The following MYBL1 variants were observed in gnomAD, a reference collection of about 807,000 sequenced individuals.
MYBL1 encodes the protein MYB proto-oncogene like 1, also known as myb-related protein A.
Under a neutral mutation model 96.3 loss-of-function variants are expected in MYBL1, and 17 were observed. The observed-to-expected ratio is 0.18, with a 90% confidence interval of 0.12 to 0.26. The LOEUF is 0.26. MYBL1 is among the 10% of genes least tolerant of loss of function. MYBL1 has a pLI of 1.00. For synonymous variants in MYBL1, 282 were observed against 292.7 expected (o/e 0.96, Z 0.37); for missense variants, 701 against 882.9 (o/e 0.79, Z 2.61).
chr8:66,585,271 A>G (rs1228523647), intron 8 of MYBL1, among the ~76,000 whole-genome samples: 1 of 152,208 alleles, frequency 6.6e-6, no homozygotes, highest in Non-Finnish European at 1.5e-5. Context: ...ATGGAAGAAG[A>G]GAGAGTCTCT....
chr8:66,573,510 G>C lies in MYBL1; in HGVS notation c.1471-4C>G, dbSNP rs997480776. On this transcript the variant is annotated splice_region_variant and splice_polypyrimidine_tract_variant and intron_variant, in intron 10 of 15. Transcript: ENST00000522677. ...TACCAGGACATGTGTTGAAAAACTA[G>C]AAAGGGAAGAGAGTTTAAAGACGAC... The C allele has an allele frequency of 6.9e-6, 11 of 1,594,066 alleles. No homozygotes were observed. The highest frequency in any genetic ancestry group is 7.7e-6 in the Non-Finnish European group (9 of 1,172,202).
intron 8 of MYBL1, among the ~76,000 whole-genome samples, chr8:66,585,487 T>G (rs1336116081): frequency 6.6e-6 from 1 of 152,144 alleles, no homozygotes; most frequent in Non-Finnish European, 1.5e-5. Context: ...ATGCCTGTAA[T>G]CCCAGCACTT....
Position 66,576,364 on chromosome 8 carries a change from T to C in MYBL1, c.1113A>G (p.Ala371=), listed in dbSNP as rs752290541. The C allele has an allele frequency of 1.2e-6, 2 of 1,603,570 alleles. No homozygotes were observed. The highest frequency in any genetic ancestry group is 1.7e-6 in the Non-Finnish European group (2 of 1,176,386). Residue 371 remains alanine (A), a synonymous_variant, in exon 10 of 16, where the codon GCA becomes GCG. Transcript: ENST00000522677. ...TLELIESDPV[A]WSDVTSFDIS... is the part of the protein sequence containing the mutation. Reference sequence around the variant, plus strand: ...TATCAAAACTGGTAACGTCACTCCATGCTACAGGATCCTGCAATAAATTAA... The same window carrying C: ...TATCAAAACTGGTAACGTCACTCCACGCTACAGGATCCTGCAATAAATTAA...
chr8:66,592,985 T>C (rs1809707426), intron 7 of MYBL1, 135 bp downstream of exon 7: 2 of 556,894 alleles, frequency 3.6e-6, no homozygotes, highest in South Asian at 3.0e-5. Context: ...TTCTTCTTTA[T>C]AGTTAGAGTA....
intron 10 of MYBL1, 79 bp from the exon 11 acceptor site, chr8:66,573,585 A>T: frequency 8.1e-7 from 1 of 1,227,898 alleles, no homozygotes; most frequent in Non-Finnish European, 1.1e-6. Flanking sequence ...TAAGATTTTC[A>T]AATTATTTCT....
At chr8:66,605,080 T>C (rs1265787490) in intron 1 of MYBL1, among the ~76,000 whole-genome samples, 1 of 152,246 alleles carries the variant, frequency 6.6e-6, no homozygotes, top group Non-Finnish European at 1.5e-5. Flanking sequence ...TGTACTTCAA[T>C]AGTCAATATT....
chr8:66,598,249 G>C (rs559487015), intron 4 of MYBL1, among the ~76,000 whole-genome samples: 9 of 152,122 alleles, frequency 5.9e-5, no homozygotes, highest in African/African-American at 1.2e-4. Context: ...GTAAATCAGT[G>C]CAGTCTAGGT....
In MYBL1 at chr8:66,613,019, ACCCGAC is replaced by A; in HGVS notation, c.-187_-182del. Reference sequence around the variant, plus strand: ...GGAGGGACAGCGGGGGCGGACCGCGACCCGACCCCGACCCCGGCCCGCAGCGCCGCT... The same window carrying A: ...GGAGGGACAGCGGGGGCGGACCGCGACCCGACCCCGGCCCGCAGCGCCGCT... On this transcript the variant is annotated 5_prime_UTR_variant, in exon 1 of 16. Coordinates refer to ENST00000522677, the MANE Select transcript of MYBL1 (RefSeq NM_001080416.4). The A allele has an allele frequency of 1.6e-6, 1 of 615,272 alleles. No individual in the cohort carries two copies. Among genetic ancestry groups the A allele is most frequent in the Non-Finnish European group, 2.4e-6 (1 of 419,160 alleles). The allele number at this position is 615,272 out of a possible 1,614,324, so 38.1% of individuals were successfully genotyped here.
At position 66,576,150 on chromosome 8, in the gene MYBL1, G is replaced by T; in HGVS notation, c.1327C>A (p.Pro443Thr). 1 of 1,613,956 alleles carries T rather than the reference G, an allele frequency of 6.2e-7. No homozygotes were observed. Among genetic ancestry groups the T allele is most frequent in the Non-Finnish European group, 8.5e-7 (1 of 1,179,892 alleles). ...TSPNIAKFST[P>T]PAILRKKRKM... is the part of the protein sequence containing the mutation. ...CTCTTCTTTCTGAGGATGGCTGGTG[G>T]AGTGCTAAACTTGGCTATATTTGGG... The change falls in exon 10 of 16, where the codon CCA becomes ACA. Residue 443 changes from proline to threonine, a missense_variant. By Grantham distance (38) the Pro-to-Thr change is conservative (BLOSUM62 -1). Coordinates refer to ENST00000522677, the MANE Select transcript of MYBL1 (RefSeq NM_001080416.4).
Position 66,592,437 on chromosome 8 carries a change from T to C in MYBL1, c.867+3A>G. On this transcript the variant is annotated splice_donor_region_variant and intron_variant, in intron 8 of 15. Transcript: ENST00000522677. Reference sequence around the variant, plus strand: ...CAATACAAATAACAAGCTTATTTCTTACTGATGGAATTCGCTTTCTTCTAA... The same window carrying C: ...CAATACAAATAACAAGCTTATTTCTCACTGATGGAATTCGCTTTCTTCTAA... 1 of 1,556,906 alleles carries C rather than the reference T, an allele frequency of 6.4e-7. No individual in the cohort carries two copies.
intron 1 of MYBL1, chr8:66,612,197 C>T (rs1467842717): frequency 5.9e-5 from 9 of 152,164 alleles, no homozygotes; most frequent in Admixed American, 5.9e-4. Flanking sequence ...CTAGTTGTTA[C>T]TACTAGTTGT....
At position 66,564,561 on chromosome 8, in the gene MYBL1, G is replaced by A; in HGVS notation, c.*136C>T. ...TTACTAGCTTTCTGCCTACTATATA[G>A]AATAGAAAAAAGATGCTGTATTAAA... On this transcript the variant is annotated 3_prime_UTR_variant, in exon 16 of 16. Transcript: ENST00000522677. The A allele has an allele frequency of 1.7e-6, 1 of 576,600 alleles. No homozygotes were observed. The highest frequency in any genetic ancestry group is 2.7e-6 in the Non-Finnish European group (1 of 373,290). 35.7% of individuals were successfully genotyped at this position (576,600 alleles called of 1,614,324 possible).
At chr8:66,586,189 GTGCTCAC>G (rs1809414962) in intron 8 of MYBL1, among the ~76,000 whole-genome samples, 1 of 151,726 alleles carries the variant, frequency 6.6e-6, no homozygotes, top group Non-Finnish European at 1.5e-5. Flanking sequence ...GGGACTACAG[GTGCTCAC>G]CACCACGCCT....
At chr8:66,585,584 T>G (rs1331795221) in intron 8 of MYBL1, among the ~76,000 whole-genome samples, 1 of 151,942 alleles carries the variant, frequency 6.6e-6, no homozygotes, top group Non-Finnish European at 1.5e-5. Flanking sequence ...CTCCTAAAAA[T>G]ACCAAAAAAT....
In MYBL1 at chr8:66,595,633, C is replaced by T. The variant is rs1396958072; in HGVS notation, c.637G>A (p.Ala213Thr). ...SSSKLQHKPC[A>T]AMDHMQTQNQ... ...TGGGTTTGCATATGATCCATAGCTG[C>T]ACAAGGTTTGTGTTGAAGTTTAGAT... Residue 213 changes from alanine to threonine, a missense_variant, in exon 6 of 16, where the codon GCA (alanine) becomes ACA (threonine). By Grantham distance (58) the Ala-to-Thr change is moderately conservative (BLOSUM62 0). Around this residue, in one of 5 missense-constraint regions of MYBL1, gnomAD observed 396 missense variants for 407.4 expected, o/e 0.97. Transcript: ENST00000522677. The T allele has an allele frequency of 2.5e-6, 4 of 1,593,692 alleles. No homozygotes were observed. The highest frequency in any genetic ancestry group is 3.4e-6 in the Non-Finnish European group (4 of 1,169,072).
intron 15 of MYBL1, 90 bp from the exon 16 acceptor site, chr8:66,564,915 AT>A: frequency 1.3e-6 from 1 of 759,692 alleles, no homozygotes; most frequent in Non-Finnish European, 1.9e-6. Context: ...ATTTTAACTG[AT>A]TAGATATTTT....
chr8:66,564,932 C>A (rs558153733), intron 15 of MYBL1, 107 bp from the exon 16 acceptor site: 2 of 629,234 alleles, frequency 3.2e-6, no homozygotes, highest in South Asian at 1.0e-4. Context: ...ATTTTATAAA[C>A]AATAATTATA....
At chr8:66,612,601 C>T (rs889706292) in intron 1 of MYBL1, 5 of 429,886 alleles carry the variant, frequency 1.2e-5, no homozygotes, top group African/African-American at 1.0e-4. Flanking sequence ...GAAACCTGGG[C>T]ATCTCTTACG....
chr8:66,587,306 T>C (rs920576245), intron 8 of MYBL1, among the ~76,000 whole-genome samples: 6 of 152,064 alleles, frequency 3.9e-5, no homozygotes, highest in African/African-American at 7.2e-5. Context: ...TGTATCAAAA[T>C]AGTACACTGT....
Sources: allele counts gnomAD v4.1 joint callset (sites outside exome capture counted in the v4.1 genomes callset), GRCh38; gene constraint gnomAD v4.1.1; regional missense constraint gnomAD v4.1.1; transcripts MANE v1.5; gene names NCBI Gene and HGNC (gene_info 2026-07-23, HGNC 2026-07-21).